Variants in FHIP1A observed in about 807,000 individuals in gnomAD.
FHIP1A encodes the protein FHF complex subunit HOOK interacting protein 1A.
Under a neutral mutation model 88.6 loss-of-function variants are expected in FHIP1A, and 61 were observed. The observed-to-expected ratio is 0.69, with a 90% CI of 0.56 to 0.85. The LOEUF (loss-of-function observed/expected upper bound fraction) is 0.85, where lower values mean the gene tolerates loss of function less well. FHIP1A is among the 40% of genes least tolerant of loss of function. The pLI, the probability that FHIP1A is intolerant of heterozygous loss-of-function variation, is 0.00. For synonymous variants in FHIP1A, 478 were observed against 496.0 expected (o/e 0.96, Z 0.48); for missense variants, 1,154 against 1,273.5 (o/e 0.91, Z 1.43).
chr4:151,500,805 C>A (rs1277404968), intron 3 of FHIP1A, among the ~76,000 whole-genome samples: 1 of 152,108 alleles, frequency 6.6e-6, no homozygotes, highest in Non-Finnish European at 1.5e-5. Flanking sequence ...CTTTGAAATA[C>A]CTTAAATCAG....
chr4:151,489,580 G>T (rs1730209714), intron 3 of FHIP1A, among the ~76,000 whole-genome samples: 1 of 152,122 alleles, frequency 6.6e-6, no homozygotes, highest in African/African-American at 2.4e-5. Flanking sequence ...TTGTAGCCTG[G>T]GGCAAGATCT....
At chr4:151,531,504 CTTT>C (rs10711474) in intron 3 of FHIP1A, among the ~76,000 whole-genome samples, 8 of 145,278 alleles carry the variant, frequency 5.5e-5, no homozygotes, top group Admixed American at 6.9e-5. Flanking sequence ...CTTTTTTCTT[CTTT>C]TTTTTTTTTG....
At position 151,553,525 on chromosome 4, in the gene FHIP1A, C is replaced by T. The variant is rs115605115; in HGVS notation, c.-122-12613C>T. Among the ~76,000 whole-genome samples, 812 of 152,030 alleles carry T rather than the reference C, an allele frequency of 5.3e-3. 6 individuals carry two copies. Among genetic ancestry groups the T allele is most frequent in the African/African-American group, 0.019 (789 of 41,466 alleles). ...TATTTAGTGTTTTTTTCTTTTAACT[C>T]GTAGGATAATCAGTTTTGTTTATAT... On this transcript the variant is annotated intron_variant, in intron 3 of 13. Transcript: ENST00000435205.
chr4:151,489,519 G>A (rs1011106849), intron 3 of FHIP1A, among the ~76,000 whole-genome samples: 10 of 152,162 alleles, frequency 6.6e-5, no homozygotes, highest in Non-Finnish European at 1.5e-4. Flanking sequence ...GTGCAGGCAG[G>A]TGGGGAGGGG....
chr4:151,473,610 C>T, intron 2 of FHIP1A, among the ~76,000 whole-genome samples: 1 of 151,912 alleles, frequency 6.6e-6, no homozygotes, highest in Non-Finnish European at 1.5e-5. Flanking sequence ...TTTATTTTAC[C>T]TCTCTCTGTG....
rs576621113 is a variant in FHIP1A, at chr4:151,655,582, G to A, written c.2552-650G>A. Among the ~76,000 whole-genome samples the A allele has an allele frequency of 3.3e-5, 5 of 152,206 alleles. No individual in the cohort carries two copies. The East Asian group carries it at 5.8e-4, about 18-fold the overall frequency. On this transcript the variant is annotated intron_variant, in intron 11 of 13. Coordinates refer to ENST00000435205, the MANE Select transcript of FHIP1A (RefSeq NM_001109977.3). ...CTCTGAAAATTCACGTGTGGTTACC[G>A]AGTTGCTAAGGCTACTAAGATTATA...
chr4:151,626,607 A>T (rs1272016300), intron 7 of FHIP1A, among the ~76,000 whole-genome samples: 1 of 152,372 alleles, frequency 6.6e-6, no homozygotes, highest in Non-Finnish European at 1.5e-5. Context: ...AAGCTTTAGT[A>T]TCCCTAAACT....
chr4:151,661,823 T>A (rs1737468733), intron 13 of FHIP1A, among the ~76,000 whole-genome samples: 1 of 152,236 alleles, frequency 6.6e-6, no homozygotes, highest in South Asian at 2.1e-4. Flanking sequence ...CTAAGCCATT[T>A]GCTGCTACTA....
intron 3 of FHIP1A, among the ~76,000 whole-genome samples, chr4:151,515,066 G>C (rs1302394387): frequency 1.3e-5 from 2 of 152,026 alleles, no homozygotes; most frequent in Admixed American, 1.3e-4. Flanking sequence ...TAAAATACTG[G>C]CAAACTGAAT....
chr4:151,601,277 C>T (rs1734856832), intron 7 of FHIP1A, among the ~76,000 whole-genome samples: 1 of 151,948 alleles, frequency 6.6e-6, no homozygotes, highest in Non-Finnish European at 1.5e-5. Context: ...GAAAAAGGTC[C>T]ATACAGGTCT....
intron 2 of FHIP1A, among the ~76,000 whole-genome samples, chr4:151,457,506 C>G (rs1457462120): frequency 5.9e-5 from 9 of 152,190 alleles, no homozygotes; most frequent in Admixed American, 5.9e-4. Context: ...AAGAACCTCA[C>G]AAATTCTCCA....
intron 8 of FHIP1A, among the ~76,000 whole-genome samples, chr4:151,630,585 G>A (rs185061527): frequency 6.6e-6 from 1 of 152,042 alleles, no homozygotes; most frequent in East Asian, 1.9e-4. Flanking sequence ...ATGTATACTG[G>A]AAGCCCTAGA....
intron 3 of FHIP1A, among the ~76,000 whole-genome samples, chr4:151,499,837 C>T (rs1310137916): frequency 6.6e-6 from 1 of 152,188 alleles, no homozygotes; most frequent in Non-Finnish European, 1.5e-5. Context: ...ATCATGAGAA[C>T]AGCATGAGAG....
At chr4:151,657,215 C>A (rs1201668343) in intron 13 of FHIP1A, among the ~76,000 whole-genome samples, 1 of 151,894 alleles carries the variant, frequency 6.6e-6, no homozygotes, top group Non-Finnish European at 1.5e-5. Context: ...CACACATGGG[C>A]CAGAAAGAGG....
At chr4:151,435,170 ATAGTC>A (rs1561493385) in intron 1 of FHIP1A, among the ~76,000 whole-genome samples, 3 of 35,632 alleles carry the variant, frequency 8.4e-5, no homozygotes, top group African/African-American at 2.4e-4. Flanking sequence ...GTTGCTAACT[ATAGTC>A]CTATAGTCAC....
intron 9 of FHIP1A, 74 bp from the exon 10 acceptor site, chr4:151,646,483 GT>G (rs1428457738): frequency 7.7e-6 from 8 of 1,041,240 alleles, no homozygotes; most frequent in Non-Finnish European, 8.5e-6. Flanking sequence ...AGGAGTCCCT[GT>G]TATGGTTTAG....
chr4:151,621,328 T>A (rs1735735140), intron 7 of FHIP1A, among the ~76,000 whole-genome samples: 1 of 152,084 alleles, frequency 6.6e-6, no homozygotes, highest in South Asian at 2.1e-4. Context: ...CTGCAATTAT[T>A]GAATTTGTTT....
chr4:151,505,090 C>T (rs1730786511), intron 3 of FHIP1A, among the ~76,000 whole-genome samples: 1 of 152,146 alleles, frequency 6.6e-6, no homozygotes, highest in African/African-American at 2.4e-5. Context: ...AGGAAGTAAG[C>T]TCCAGGCTAT....
chr4:151,423,948 A>G (rs1230706193), intron 1 of FHIP1A, among the ~76,000 whole-genome samples: 1 of 152,208 alleles, frequency 6.6e-6, no homozygotes, highest in Non-Finnish European at 1.5e-5. Context: ...AAATTATATA[A>G]ATCTAAACCA....
Sources: allele counts gnomAD v4.1 joint callset (sites outside exome capture counted in the v4.1 genomes callset), GRCh38; gene constraint gnomAD v4.1.1; transcripts MANE v1.5; gene names NCBI Gene and HGNC (gene_info 2026-07-23, HGNC 2026-07-21).